The following BANK1 variants were observed in gnomAD, a reference collection of about 807,000 sequenced individuals.
BANK1 encodes the protein B cell scaffold protein with ankyrin repeats 1, also known as B-cell scaffold protein with ankyrin repeats.
BANK1 carries 95 observed loss-of-function variants against 94.5 expected under a neutral mutation model. The observed-to-expected ratio is 1.00, with a 90% CI of 0.85 to 1.19. The LOEUF (loss-of-function observed/expected upper bound fraction) is 1.19, where lower values mean the gene tolerates loss of function less well. Among genes scored for constraint, BANK1 ranks in the 50% most tolerant of loss-of-function variants. The pLI is 0.00. For synonymous variants in BANK1, 334 were observed against 308.4 expected, an observed-to-expected ratio of 1.08 and a Z score of -0.87; for missense variants, 987 against 932.2, an observed-to-expected ratio of 1.06 and a Z score of -0.77.
At chr4:101,864,803 A>G (rs1400013605) in intron 4 of BANK1, among the ~76,000 whole-genome samples, 2 of 152,206 alleles carry the variant, frequency 1.3e-5, no homozygotes, top group East Asian at 3.8e-4. Flanking sequence ...AACTAGTGGT[A>G]ACAGGCTTGA....
In BANK1 at chr4:101,965,477, G is replaced by A. The variant is rs148746335; in HGVS notation, c.1206+47288G>A. Among the ~76,000 whole-genome samples, 620 of 152,104 alleles carry A rather than the reference G, an allele frequency of 4.1e-3. 4 individuals carry two copies. The highest frequency in any genetic ancestry group is 6.8e-3 in the Middle Eastern group (2 of 292). On this transcript the variant is annotated intron_variant, in intron 7 of 16. Transcript: ENST00000322953. ...TTAATTAAAGAGTACAGTACCATTA[G>A]AAAAAAGTTTATCTGATATCTAAAG...
chr4:102,028,550 A>G (rs961134074), intron 9 of BANK1, among the ~76,000 whole-genome samples: 3 of 152,154 alleles, frequency 2.0e-5, no homozygotes, highest in Non-Finnish European at 4.4e-5. Context: ...TTTTTCCACT[A>G]AAATCTTCAT....
At chr4:102,030,746 A>T (rs1037992838) in intron 10 of BANK1, among the ~76,000 whole-genome samples, 3 of 152,152 alleles carry the variant, frequency 2.0e-5, no homozygotes, top group African/African-American at 7.2e-5. Context: ...AGCATCATCC[A>T]TGTCCCTGCA....
chr4:101,940,892 G>T (rs1019289094), intron 7 of BANK1, among the ~76,000 whole-genome samples: 4 of 151,632 alleles, frequency 2.6e-5, no homozygotes, highest in Non-Finnish European at 5.9e-5. Flanking sequence ...ACCTTTTCAT[G>T]TTGAACTTTT....
intron 7 of BANK1, among the ~76,000 whole-genome samples, chr4:101,943,843 C>G (rs1723833663): frequency 6.6e-6 from 1 of 151,808 alleles, no homozygotes. Context: ...GCCCGATTTT[C>G]TGGATTTGAA....
At chr4:101,973,206 TTTAA>T (rs888690327) in intron 7 of BANK1, among the ~76,000 whole-genome samples, 14 of 152,132 alleles carry the variant, frequency 9.2e-5, no homozygotes, top group African/African-American at 3.4e-4. Flanking sequence ...ACTAGTTTAA[TTTAA>T]TTATTCCACA....
intron 5 of BANK1, among the ~76,000 whole-genome samples, chr4:101,871,373 A>G (rs1475425971): frequency 1.3e-5 from 2 of 152,108 alleles, no homozygotes; most frequent in Admixed American, 6.6e-5. Flanking sequence ...AAAATTTACC[A>G]TAAAAACCTA....
At chr4:101,907,512 T>C (rs1722495206) in intron 6 of BANK1, among the ~76,000 whole-genome samples, 1 of 152,196 alleles carries the variant, frequency 6.6e-6, no homozygotes, top group Admixed American at 6.5e-5. Context: ...GGATGCCCTC[T>C]CTCACCACTC....
chr4:101,930,889 C>T (rs73836662), intron 7 of BANK1, among the ~76,000 whole-genome samples: 167 of 151,614 alleles, frequency 1.1e-3, no homozygotes, highest in African/African-American at 3.8e-3. Context: ...ATCTGACAGA[C>T]CATCTTTCTA....
At chr4:101,830,363 AAATAC>A (rs1222403650) in intron 2 of BANK1, among the ~76,000 whole-genome samples, 157 bp downstream of exon 2, 1 of 152,144 alleles carries the variant, frequency 6.6e-6, no homozygotes, top group Non-Finnish European at 1.5e-5. Flanking sequence ...ACTGTCCACA[AAATAC>A]ATTAAGTTTC....
intron 11 of BANK1, among the ~76,000 whole-genome samples, chr4:102,046,057 A>C (rs1306262871): frequency 1.3e-5 from 2 of 150,680 alleles, no homozygotes; most frequent in Admixed American, 1.3e-4. Context: ...ACAAGGCTAC[A>C]GTAACCAAAA....
chr4:101,851,201 A>G (rs1012428911), intron 2 of BANK1, among the ~76,000 whole-genome samples: 2 of 152,196 alleles, frequency 1.3e-5, no homozygotes, highest in African/African-American at 4.8e-5. Context: ...CACACAAATG[A>G]TAAGAAAGCA....
At chr4:101,923,680 T>A (rs1265455456) in intron 7 of BANK1, among the ~76,000 whole-genome samples, 1 of 151,810 alleles carries the variant, frequency 6.6e-6, no homozygotes, top group Non-Finnish European at 1.5e-5. Flanking sequence ...GGATTTTAAA[T>A]AAGCACTTAA....
chr4:102,012,849 T>A (rs1236717298), intron 7 of BANK1, among the ~76,000 whole-genome samples: 1 of 152,126 alleles, frequency 6.6e-6, no homozygotes, highest in African/African-American at 2.4e-5. Flanking sequence ...AAAAATTGCC[T>A]CTTAGTTTTA....
At chr4:101,798,900 A>C (rs542849187) in intron 1 of BANK1, among the ~76,000 whole-genome samples, 9 of 152,140 alleles carry the variant, frequency 5.9e-5, no homozygotes, top group Admixed American at 1.3e-4. Flanking sequence ...CTTTTCTCCC[A>C]TTCTGTAGGT....
rs190648082 is a variant in BANK1 at position 102,062,769 on chromosome 4, A to G, written c.2149-306A>G. The stretch of plus-strand genomic sequence containing the variant: ...GGTTGGCAAAACAACTTCCCAAAGA[A>G]TTGCACTCTAGGATCCAATCTTGAC... On this transcript the variant is annotated intron_variant, in intron 12 of 16. Coordinates refer to ENST00000322953, the MANE Select transcript of BANK1 (RefSeq NM_017935.5). The G allele has an allele frequency of 1.4e-3, 364 of 261,666 alleles. 3 individuals are homozygous for G. The highest frequency in any genetic ancestry group is 3.1e-4 in the Non-Finnish European group (41 of 133,990). 16.2% of individuals were successfully genotyped at this position (261,666 alleles called of 1,614,324 possible).
chr4:101,981,987 C>G (rs1288419617), intron 7 of BANK1: 1 of 152,136 alleles, frequency 6.6e-6, no homozygotes, highest in Non-Finnish European at 1.5e-5. Context: ...TGGTTCTGCT[C>G]CCACTCAGTT....
intron 6 of BANK1, among the ~76,000 whole-genome samples, chr4:101,902,768 T>C (rs1037218008): frequency 6.6e-6 from 1 of 152,244 alleles, no homozygotes; most frequent in Non-Finnish European, 1.5e-5. Context: ...ATGGGTTAAA[T>C]TGTGAAAATG....
At chr4:101,992,969 G>A (rs927909791) in intron 7 of BANK1, among the ~76,000 whole-genome samples, 2 of 152,100 alleles carry the variant, frequency 1.3e-5, no homozygotes, top group African/African-American at 2.4e-5. Flanking sequence ...GTCTCAGGTC[G>A]ATCACCCTAC....
Sources: allele counts gnomAD v4.1 joint callset (sites outside exome capture counted in the v4.1 genomes callset), GRCh38; gene constraint gnomAD v4.1.1; transcripts MANE v1.5; gene names NCBI Gene and HGNC (gene_info 2026-07-23, HGNC 2026-07-21).